Variants in PKIB observed in about 807,000 individuals in gnomAD.
The protein encoded by PKIB is cAMP-dependent protein kinase inhibitor beta, also known as PKI-beta.
PKIB carries 2 observed loss-of-function variants against 4.5 expected under a neutral mutation model. The observed-to-expected ratio is 0.44, with a 90% CI of 0.18 to 1.39. The LOEUF (loss-of-function observed/expected upper bound fraction) is 1.39, where lower values mean the gene tolerates loss of function less well. Among genes scored for constraint, PKIB ranks in the 40% most tolerant of loss-of-function variants. The pLI, the probability that PKIB is intolerant of heterozygous loss-of-function variation, is 0.27. For synonymous variants in PKIB, 38 were observed against 36.0 expected (o/e 1.06, Z -0.20); for missense variants, 94 against 92.6 (o/e 1.02, Z -0.06).
intron 2 of PKIB, among the ~76,000 whole-genome samples, chr6:122,584,470 A>T (rs1179940842): frequency 6.6e-6 from 1 of 152,120 alleles, no homozygotes; most frequent in Non-Finnish European, 1.5e-5. Flanking sequence ...TTATAGCAGC[A>T]AGTTAGAGGC....
chr6:122,550,926 G>A (rs9320879), intron 2 of PKIB, among the ~76,000 whole-genome samples: 23,693 of 152,064 alleles, frequency 0.16, 1,925 homozygotes, highest in East Asian at 0.26. Context: ...CATTGATTTC[G>A]ATGATGGAAA....
chr6:122,616,114 C>A (rs1275397328), intron 1 of PKIB, among the ~76,000 whole-genome samples: 1 of 152,030 alleles, frequency 6.6e-6, no homozygotes, highest in Non-Finnish European at 1.5e-5. Context: ...ATGATGAGAT[C>A]TCCTATGGGA....
chr6:122,474,464 G>C (rs939534928), intron 1 of PKIB, among the ~76,000 whole-genome samples: 1 of 152,138 alleles, frequency 6.6e-6, no homozygotes, highest in African/African-American at 2.4e-5. Context: ...AATACTGATG[G>C]AGGGAAGGAT....
chr6:122,480,875 A>G (rs1238509489), intron 2 of PKIB: 2 of 152,126 alleles, frequency 1.3e-5, no homozygotes. Context: ...TGTGTTGATT[A>G]TAAAGTGATA....
intron 3 of PKIB, among the ~76,000 whole-genome samples, chr6:122,702,859 G>A (rs1778884411): frequency 6.6e-6 from 1 of 152,008 alleles, no homozygotes; most frequent in Non-Finnish European, 1.5e-5. Flanking sequence ...TATAGTATAG[G>A]TCTTAACTGT....
At chr6:122,580,495 C>A (rs1773670817) in intron 2 of PKIB, among the ~76,000 whole-genome samples, 1 of 152,062 alleles carries the variant, frequency 6.6e-6, no homozygotes, top group African/African-American at 2.4e-5. Flanking sequence ...TTTTCTCATT[C>A]TCTTCTTCTG....
intron 2 of PKIB, among the ~76,000 whole-genome samples, chr6:122,582,477 A>C (rs1040832599): frequency 1.3e-5 from 2 of 152,108 alleles, no homozygotes; most frequent in Non-Finnish European, 2.9e-5. Flanking sequence ...AACATTTCTG[A>C]ATCCAAAGTC....
rs527327982 is a variant in PKIB, at chr6:122,677,592, A to G, written c.-9+2448A>G. Among the ~76,000 whole-genome samples the G allele has an allele frequency of 2.6e-5, 4 of 152,314 alleles. 1 individual carries two copies. The highest frequency in any genetic ancestry group is 6.5e-5 in the Admixed American group (1 of 15,304). On this transcript the variant is annotated intron_variant, in intron 3 of 4. Coordinates refer to ENST00000368452, the MANE Select transcript of PKIB (RefSeq NM_181795.3). The stretch of plus-strand genomic sequence containing the variant: ...CCTTGGCTATGTAGCTGCTTTAAGT[A>G]AATCCATATGTCAAGCCCATAAATT...
At position 122,554,476 on chromosome 6, in the gene PKIB, G is replaced by A. The variant is rs796148151; in HGVS notation, c.-247-31445G>A. Among the ~76,000 whole-genome samples, 51 of 152,304 alleles carry A rather than the reference G, an allele frequency of 3.3e-4. 1 individual carries two copies. Among genetic ancestry groups the A allele is most frequent in the African/African-American group, 1.2e-3 (51 of 41,570 alleles). ...GTTCTGATACGTTTATAAGGCACAT[G>A]ATACTCATAATGCTTGCATTTGAAT... On this transcript the variant is annotated intron_variant, in intron 2 of 6. Transcript: ENST00000392491.
chr6:122,618,171 A>C (rs1775072228), intron 1 of PKIB, among the ~76,000 whole-genome samples: 1 of 152,150 alleles, frequency 6.6e-6, no homozygotes, highest in Admixed American at 6.5e-5. Flanking sequence ...GAAATGAGAA[A>C]ACAAAATAAA....
chr6:122,575,663 T>A (rs1773509155), intron 2 of PKIB, among the ~76,000 whole-genome samples: 1 of 152,158 alleles, frequency 6.6e-6, no homozygotes, highest in Non-Finnish European at 1.5e-5. Flanking sequence ...GAAGTAATGC[T>A]GGAATGGGAA....
At chr6:122,609,114 G>T (rs909290124), upstream of PKIB, among the ~76,000 whole-genome samples, 3 of 152,170 alleles carry the variant, frequency 2.0e-5, no homozygotes, top group South Asian at 2.1e-4. Context: ...TTAGGCGGGT[G>T]CAGAAGCTAC....
intron 2 of PKIB, among the ~76,000 whole-genome samples, chr6:122,550,742 C>T (rs1043889908): frequency 6.6e-6 from 1 of 152,156 alleles, no homozygotes; most frequent in African/African-American, 2.4e-5. Context: ...TTGATTTTCT[C>T]CTGATTTGGG....
chr6:122,698,612 C>T (rs1315894812), intron 3 of PKIB, among the ~76,000 whole-genome samples: 1 of 152,166 alleles, frequency 6.6e-6, no homozygotes, highest in African/African-American at 2.4e-5. Context: ...GGCCTAGAGA[C>T]TCCAGGAGGC....
chr6:122,480,935 TA>T (rs1461989987), intron 2 of PKIB: 5 of 152,296 alleles, frequency 3.3e-5, no homozygotes, highest in African/African-American at 1.2e-4. Flanking sequence ...TTGTTCTTTT[TA>T]AAAAACTTAA....
At chr6:122,629,012 A>T (rs928440939) in intron 1 of PKIB, among the ~76,000 whole-genome samples, 11 of 152,172 alleles carry the variant, frequency 7.2e-5, no homozygotes, top group African/African-American at 2.7e-4. Context: ...CAGGTTCTTT[A>T]TGCCCTGCAG....
intron 2 of PKIB, among the ~76,000 whole-genome samples, chr6:122,559,290 A>T (rs12201197): frequency 2.0e-5 from 3 of 150,840 alleles, no homozygotes; most frequent in African/African-American, 7.3e-5. Flanking sequence ...TTATATATAT[A>T]ATATATATAT....
chr6:122,477,030 TAAAAG>T (rs1775466299), intron 1 of PKIB, among the ~76,000 whole-genome samples: 1 of 152,188 alleles, frequency 6.6e-6, no homozygotes, highest in African/African-American at 2.4e-5. Flanking sequence ...GTAGATGTAT[TAAAAG>T]AAACGGATGA....
chr6:122,613,920 A>T (rs951731362), intron 1 of PKIB, among the ~76,000 whole-genome samples: 1 of 143,032 alleles, frequency 7.0e-6, no homozygotes, highest in Non-Finnish European at 1.5e-5. Context: ...CTGAGATGGC[A>T]CCACTGCACT....
Sources: allele counts gnomAD v4.1 joint callset (sites outside exome capture counted in the v4.1 genomes callset), GRCh38; gene constraint gnomAD v4.1.1; transcripts MANE v1.5; gene names NCBI Gene and HGNC (gene_info 2026-07-23, HGNC 2026-07-21).